NOL4L: variants seen among roughly 807,000 people sequenced by gnomAD.
NOL4L encodes the protein nucleolar protein 4-like.
A neutral mutation model predicts 64.5 loss-of-function variants in NOL4L; 7 were observed. That is an observed-to-expected ratio of 0.11 (90% confidence interval 0.06 to 0.20). The LOEUF (loss-of-function observed/expected upper bound fraction) is 0.20, where lower values mean the gene tolerates loss of function less well. Among genes scored for constraint, NOL4L ranks in the 10% least tolerant of loss-of-function variants. NOL4L has a pLI of 1.00. For missense variants in NOL4L, 680 were observed against 967.1 expected (o/e 0.70, Z 3.94); for synonymous variants, 413 against 401.0 (o/e 1.03, Z -0.36).
rs184615290 is a variant in NOL4L at position 32,582,355 on chromosome 20, A to G, written c.321+2215T>C. Among the ~76,000 whole-genome samples the G allele has an allele frequency of 4.7e-4, 72 of 152,304 alleles. 2 individuals carry two copies. In the East Asian group the frequency reaches 0.011, roughly 23 times the overall value. ...TGGGGACGGTCGCGCTGCCAGGGGC[A>G]GGCAGAGCGGGTCAGCGTGGGTCTC... On this transcript the variant is annotated intron_variant, in intron 1 of 10. Transcript: ENST00000621426.
At chr20:32,459,564 T>C (rs947179236) in intron 5 of NOL4L, among the ~76,000 whole-genome samples, 2 of 151,950 alleles carry the variant, frequency 1.3e-5, no homozygotes, top group South Asian at 2.1e-4. Context: ...TGTGTATTTT[T>C]AGTGGAGACA....
At chr20:32,465,181 G>A (rs1204289442) in intron 5 of NOL4L, 1 of 463,122 alleles carries the variant, frequency 2.2e-6, no homozygotes, top group African/African-American at 2.0e-5. Context: ...CAGGTCCCGA[G>A]TGTCAGGCGG....
In NOL4L at chr20:32,456,301, C is replaced by T. The variant is rs2013515643; in HGVS notation, c.936G>A (p.Glu312=). The T allele has an allele frequency of 5.1e-6, 8 of 1,580,848 alleles. No individual in the cohort carries two copies. The highest frequency in any genetic ancestry group is 4.6e-5 in the South Asian group (4 of 87,214). Residue 312 remains glutamate (E), a synonymous_variant, in exon 6 of 11, where the codon GAG becomes GAA. Coordinates refer to ENST00000621426, the MANE Select transcript of NOL4L (RefSeq NM_001256798.2). ...SSTQGDPAFP[E]MNGNGAVAPM... is the part of the protein sequence containing the mutation. ...GGGCCACGGCGCCGTTGCCATTCAT[C>T]TCGGGGAAGGCAGGGTCGCCCTGCG...
chr20:32,550,693 A>G lies in NOL4L; in HGVS notation c.322-22780T>C, dbSNP rs2018789024. Among the ~76,000 whole-genome samples the G allele has an allele frequency of 2.0e-5, 3 of 152,198 alleles. No homozygotes were observed. In the South Asian group the frequency reaches 6.2e-4, roughly 32 times the overall value. ...TCAGGAGTTGGAGACCAGACTGACC[A>G]TCATGGTGAAACCCCGTCTCTACTA... On this transcript the variant is annotated intron_variant, in intron 1 of 10. Transcript: ENST00000621426.
Position 32,444,998 on chromosome 20 carries a change from T to G in NOL4L, c.*2598A>C, listed in dbSNP as rs954737741. 3 of 152,206 alleles carry G rather than the reference T, an allele frequency of 2.0e-5. No individual in the cohort carries two copies. Among genetic ancestry groups the G allele is most frequent in the African/African-American group, 7.2e-5 (3 of 41,448 alleles). The allele number at this position is 152,206 out of a possible 1,614,324, so 9.4% of individuals were successfully genotyped here. A position where few individuals can be genotyped will look rare whatever the true frequency, so the allele number is the denominator to read the frequency against. On this transcript the variant is annotated 3_prime_UTR_variant, in exon 11 of 11. Coordinates refer to ENST00000621426, the MANE Select transcript of NOL4L (RefSeq NM_001256798.2). Reference sequence around the variant, plus strand: ...TGAGCCAGCTAAATGGAATCCTGTTTCCATGCAGAAACTTGCTCCTGATTC... The same window carrying G: ...TGAGCCAGCTAAATGGAATCCTGTTGCCATGCAGAAACTTGCTCCTGATTC...
Position 32,540,071 on chromosome 20 carries a change from G to A in NOL4L, c.322-12158C>T, listed in dbSNP as rs1568701424. ...GGGCAGCCACCAGCTTGCCTCGGGT[G>A]TGAACATTTTTTTCCATTTGCCGGT... On this transcript the variant is annotated intron_variant, in intron 1 of 10. Coordinates refer to ENST00000621426, the MANE Select transcript of NOL4L (RefSeq NM_001256798.2). Among the ~76,000 whole-genome samples, 4 of 152,350 alleles carry A rather than the reference G, an allele frequency of 2.6e-5. No homozygotes were observed. The South Asian group carries it at 8.3e-4, about 32-fold the overall frequency.
rs182072594 is a variant in NOL4L at position 32,544,005 on chromosome 20, G to A, written c.322-16092C>T. 1.1e-4 allele frequency among the ~76,000 whole-genome samples: 16 copies of A among 152,304 alleles called. No homozygotes were observed. In the East Asian group the frequency reaches 2.9e-3, roughly 28 times the overall value. ...CAGGCGGCCGGCATCGTGGGCAGTG[G>A]TGTGTAGGATGGTGGGGAGGCTATG... On this transcript the variant is annotated intron_variant, in intron 1 of 10. Transcript: ENST00000621426.
At chr20:32,560,340 T>C (rs956826136) in intron 1 of NOL4L, among the ~76,000 whole-genome samples, 7 of 152,162 alleles carry the variant, frequency 4.6e-5, no homozygotes, top group Admixed American at 1.3e-4. Context: ...TCAAGGGAGC[T>C]ATTATTTCCC....
chr20:32,475,527 T>A (rs903400759), intron 4 of NOL4L, among the ~76,000 whole-genome samples: 14 of 152,212 alleles, frequency 9.2e-5, no homozygotes, highest in Non-Finnish European at 1.5e-4. Flanking sequence ...CCTTGGCCAG[T>A]CATCCGGGAA....
At chr20:32,486,384 C>T (rs953179228) in intron 4 of NOL4L, among the ~76,000 whole-genome samples, 2 of 152,222 alleles carry the variant, frequency 1.3e-5, no homozygotes, top group South Asian at 4.1e-4. Context: ...CTGATCCCAT[C>T]TGCTTCGGGG....
intron 4 of NOL4L, among the ~76,000 whole-genome samples, chr20:32,475,522 G>GCCAGTCAT (rs1338550218): frequency 3.3e-5 from 5 of 152,346 alleles, no homozygotes; most frequent in Non-Finnish European, 7.3e-5. Flanking sequence ...CCGGCCCTTG[G>GCCAGTCAT]CCAGTCATCC....
intron 1 of NOL4L, among the ~76,000 whole-genome samples, chr20:32,554,006 C>T (rs948165217): frequency 6.6e-6 from 1 of 152,120 alleles, no homozygotes; most frequent in African/African-American, 2.4e-5. Context: ...TACAATAAAC[C>T]ATTTGCTGAA....
At chr20:32,521,048 G>A (rs765360776) in intron 2 of NOL4L, 126 bp from the exon 3 acceptor site, 134 of 573,146 alleles carry the variant, frequency 2.3e-4, no homozygotes, top group Non-Finnish European at 3.8e-4. Context: ...AGGGATTTGA[G>A]GAGCAAGGGA....
At chr20:32,551,126 G>A (rs776948261) in intron 1 of NOL4L, among the ~76,000 whole-genome samples, 1 of 151,548 alleles carries the variant, frequency 6.6e-6, no homozygotes, top group Non-Finnish European at 1.5e-5. Flanking sequence ...CTGTAATCTC[G>A]GCACTTTGGG....
Position 32,460,913 on chromosome 20 carries a change from T to C in NOL4L, c.842-4518A>G, listed in dbSNP as rs1188091020. The stretch of plus-strand genomic sequence containing the variant: ...CTGAGCCATGGTGTCTCCCCTACTC[T>C]CGGCGACTCCTGCTCGCCCTTCTGT... On this transcript the variant is annotated intron_variant, in intron 5 of 10. Transcript: ENST00000621426. This position sits in a 1 kb window ranked among gnomAD's most constrained non-coding sequence, Gnocchi z 5.7. 6.6e-6 allele frequency among the ~76,000 whole-genome samples: 1 copy of C among 152,176 alleles called. No homozygotes were observed. Among genetic ancestry groups the C allele is most frequent in the Non-Finnish European group, 1.5e-5 (1 of 68,034 alleles).
At position 32,464,696 on chromosome 20, in the gene NOL4L, C is replaced by T. The variant is rs551350793; in HGVS notation, c.842-8301G>A. 39 of 250,134 alleles carry T rather than the reference C, an allele frequency of 1.6e-4. No individual in the cohort carries two copies. The highest frequency in any genetic ancestry group is 2.5e-4 in the Non-Finnish European group (33 of 132,026). 15.5% of individuals were successfully genotyped at this position (250,134 alleles called of 1,614,324 possible). A position where few individuals can be genotyped will look rare whatever the true frequency, so the allele number is the denominator to read the frequency against. ...CCTCACAGTCGGGAGCAGCACTGTC[C>T]GACAGAAACAGAGTGGGAGCCGCAT... On this transcript the variant is annotated intron_variant, in intron 5 of 10. Coordinates refer to ENST00000621426, the MANE Select transcript of NOL4L (RefSeq NM_001256798.2). This position sits in a 1 kb window ranked among gnomAD's most constrained non-coding sequence, Gnocchi z 5.6.
intron 1 of NOL4L, among the ~76,000 whole-genome samples, chr20:32,577,254 G>A (rs2145624981): frequency 6.6e-6 from 1 of 152,330 alleles, no homozygotes; most frequent in South Asian, 2.1e-4. Context: ...AGGAACTCAG[G>A]TTCCCAGCCA....
At chr20:32,470,950 G>A (rs557069163) in intron 5 of NOL4L, among the ~76,000 whole-genome samples, 1 of 152,350 alleles carries the variant, frequency 6.6e-6, no homozygotes, top group South Asian at 2.1e-4. Context: ...CTCCCCATGA[G>A]ATGAGGGCAC....
At chr20:32,517,639 G>T (rs1192639417) in intron 3 of NOL4L, among the ~76,000 whole-genome samples, 1 of 152,182 alleles carries the variant, frequency 6.6e-6, no homozygotes, top group Non-Finnish European at 1.5e-5. Context: ...TGCTTGCCTG[G>T]CAGGGCTGGG....
Sources: allele counts gnomAD v4.1 joint callset (sites outside exome capture counted in the v4.1 genomes callset), GRCh38; gene constraint gnomAD v4.1.1; non-coding constraint Gnocchi (gnomAD v3.1); transcripts MANE v1.5; gene names NCBI Gene and HGNC (gene_info 2026-07-23, HGNC 2026-07-21).